Variants in SGCZ observed in about 807,000 individuals in gnomAD.
The protein encoded by SGCZ is zeta-sarcoglycan.
In SGCZ, 40 loss-of-function variants were observed where a neutral mutation model predicts 41.3. The observed-to-expected ratio is 0.97, with a 90% CI of 0.75 to 1.26. SGCZ has a LOEUF of 1.26. Ranked by LOEUF, SGCZ falls within the 50% of genes most tolerant of loss-of-function variation. The probability of loss-of-function intolerance (pLI) is 0.00; values close to 1 mark genes in which losing one functional copy is unlikely to be tolerated. For synonymous variants in SGCZ, 206 were observed against 137.5 expected, an observed-to-expected ratio of 1.50 and a Z score of -3.49; for missense variants, 552 against 369.8, an observed-to-expected ratio of 1.49 and a Z score of -4.04.
At chr8:14,823,950 A>G (rs1448917130) in intron 1 of SGCZ, among the ~76,000 whole-genome samples, 1 of 152,168 alleles carries the variant, frequency 6.6e-6, no homozygotes, top group Non-Finnish European at 1.5e-5. Context: ...CACAGAGGAC[A>G]TGATGTTACA....
intron 1 of SGCZ, among the ~76,000 whole-genome samples, chr8:14,773,329 A>C (rs1445853309): frequency 6.6e-6 from 1 of 152,166 alleles, no homozygotes; most frequent in East Asian, 1.9e-4. Flanking sequence ...TCCCTTCATA[A>C]GTTCTCAAAT....
At chr8:14,405,074 T>A (rs1193372783) in intron 2 of SGCZ, among the ~76,000 whole-genome samples, 1 of 152,198 alleles carries the variant, frequency 6.6e-6, no homozygotes, top group African/African-American at 2.4e-5. Context: ...TCCTGAACTG[T>A]GACCCTGCTA....
intron 1 of SGCZ, among the ~76,000 whole-genome samples, chr8:15,172,172 T>A (rs1208156143): frequency 2.2e-5 from 3 of 136,964 alleles, no homozygotes; most frequent in Non-Finnish European, 3.1e-5. Flanking sequence ...TTTTTTTTTT[T>A]TTTTTTTGAG....
chr8:14,984,196 C>G (rs1299019537), intron 1 of SGCZ, among the ~76,000 whole-genome samples: 2 of 152,308 alleles, frequency 1.3e-5, no homozygotes, highest in East Asian at 3.9e-4. Flanking sequence ...TATCCATACT[C>G]TCCAATCCTC....
chr8:15,197,471 G>A (rs773093053), intron 1 of SGCZ, among the ~76,000 whole-genome samples: 46 of 152,246 alleles, frequency 3.0e-4, no homozygotes, highest in Non-Finnish European at 5.4e-4. Context: ...AAAATAAGAA[G>A]GTGGTGTAGG....
At chr8:14,721,950 T>C (rs545048224) in intron 1 of SGCZ, among the ~76,000 whole-genome samples, 30 of 152,166 alleles carry the variant, frequency 2.0e-4, no homozygotes, top group Admixed American at 4.6e-4. Flanking sequence ...GGAGTATTTT[T>C]CTCACTGGCC....
chr8:14,907,045 G>C (rs979244222), intron 1 of SGCZ, among the ~76,000 whole-genome samples: 2 of 151,950 alleles, frequency 1.3e-5, no homozygotes, highest in Non-Finnish European at 2.9e-5. Context: ...TTTTATTTTT[G>C]TTCTCCCTGA....
intron 1 of SGCZ, among the ~76,000 whole-genome samples, chr8:14,618,359 C>T (rs956556629): frequency 1.1e-4 from 16 of 152,046 alleles, no homozygotes; most frequent in Admixed American, 1.3e-4. Flanking sequence ...GTAGAAAGAA[C>T]GGAATTAGAA....
chr8:14,942,636 T>C (rs1301099503), intron 1 of SGCZ, among the ~76,000 whole-genome samples: 1 of 152,190 alleles, frequency 6.6e-6, no homozygotes, highest in Admixed American at 6.6e-5. Context: ...ACCAAATGTA[T>C]GCCTCCGTAA....
chr8:14,778,682 C>A (rs1359462728), intron 1 of SGCZ, among the ~76,000 whole-genome samples: 2 of 152,152 alleles, frequency 1.3e-5, no homozygotes, highest in African/African-American at 4.8e-5. Flanking sequence ...ATCAATATTT[C>A]AATGACGAGG....
At position 14,089,095 on chromosome 8, in the gene SGCZ, C is replaced by G. The variant is rs1395151760; in HGVS notation, c.*1348G>C. Among the ~76,000 whole-genome samples the G allele has an allele frequency of 6.6e-6, 1 of 151,826 alleles. No homozygotes were observed. The highest frequency in any genetic ancestry group is 1.5e-5 in the Non-Finnish European group (1 of 67,906). The stretch of plus-strand genomic sequence containing the variant: ...TTTCAAGAGTTTGAGTTAAGGGGTG[C>G]TGTGATAAATGAATATTCAGTATTC... On this transcript the variant is annotated 3_prime_UTR_variant, in exon 8 of 8. Transcript: ENST00000382080.
chr8:14,410,703 C>T (rs1799336712), intron 2 of SGCZ, among the ~76,000 whole-genome samples: 2 of 152,048 alleles, frequency 1.3e-5, no homozygotes, highest in African/African-American at 4.8e-5. Context: ...CTGCAGCAAA[C>T]CCCCATGGCA....
intron 1 of SGCZ, among the ~76,000 whole-genome samples, chr8:14,769,806 A>C (rs868296250): frequency 6.0e-5 from 9 of 150,074 alleles, no homozygotes; most frequent in Admixed American, 3.3e-4. Flanking sequence ...AAAAAAAAAA[A>C]AAAAAAAAAC....
At chr8:14,816,317 T>C (rs1391247017) in intron 1 of SGCZ, among the ~76,000 whole-genome samples, 1 of 152,202 alleles carries the variant, frequency 6.6e-6, no homozygotes, top group Admixed American at 6.5e-5. Context: ...GGAGGAAACA[T>C]TACCAGCCCA....
chr8:14,184,578 C>G (rs1804842121), intron 4 of SGCZ, among the ~76,000 whole-genome samples: 1 of 152,152 alleles, frequency 6.6e-6, no homozygotes, highest in Non-Finnish European at 1.5e-5. Flanking sequence ...AAAGCCAAAC[C>G]TACACGGATT....
intron 1 of SGCZ, among the ~76,000 whole-genome samples, chr8:14,999,504 C>A (rs1373374878): frequency 1.3e-5 from 2 of 152,120 alleles, no homozygotes; most frequent in African/African-American, 2.4e-5. Flanking sequence ...AACCAAAAGA[C>A]AATGGCACAT....
At position 14,479,865 on chromosome 8, in the gene SGCZ, G is replaced by C. The variant is rs563928658; in HGVS notation, c.234+74867C>G. Among the ~76,000 whole-genome samples, 47 of 151,150 alleles carry C rather than the reference G, an allele frequency of 3.1e-4. 1 individual carries two copies. Among genetic ancestry groups the C allele is most frequent in the African/African-American group, 1.1e-3 (45 of 41,150 alleles). On this transcript the variant is annotated intron_variant, in intron 2 of 7. Transcript: ENST00000382080. Reference sequence around the variant, plus strand: ...GGTTCAAGCAATTCTCCTGCCTCAGGCTCCCAAGTAGCTGGGATTACAGGC... The same window carrying C: ...GGTTCAAGCAATTCTCCTGCCTCAGCCTCCCAAGTAGCTGGGATTACAGGC...
At chr8:14,227,235 G>T (rs1806403589) in intron 4 of SGCZ, among the ~76,000 whole-genome samples, 1 of 152,068 alleles carries the variant, frequency 6.6e-6, no homozygotes, top group Middle Eastern at 3.4e-3. Context: ...ATGAAGTATG[G>T]CAAAAAAAAT....
chr8:14,398,098 G>C (rs1032347423), intron 2 of SGCZ, among the ~76,000 whole-genome samples: 1 of 151,988 alleles, frequency 6.6e-6, no homozygotes. Context: ...ACCCTCAATT[G>C]ACATCAAGTA....
Sources: allele counts gnomAD v4.1 joint callset (sites outside exome capture counted in the v4.1 genomes callset), GRCh38; gene constraint gnomAD v4.1.1; transcripts MANE v1.5; gene names NCBI Gene and HGNC (gene_info 2026-07-23, HGNC 2026-07-21).